ADAMTS18: variants seen among roughly 807,000 people sequenced by gnomAD.
The protein encoded by ADAMTS18 is A disintegrin and metalloproteinase with thrombospondin motifs 18.
ADAMTS18 carries 157 observed loss-of-function variants against 165.9 expected under a neutral mutation model. The ratio of observed to expected loss-of-function variants is 0.95; its 90% CI spans 0.83 to 1.08. The LOEUF is 1.08. Ranked by LOEUF, ADAMTS18 falls within the 50% of genes least tolerant of loss-of-function variation. ADAMTS18 has a pLI of 0.00. For missense variants in ADAMTS18, 2,040 were observed against 1,534.0 expected (o/e 1.33, Z -5.51); for synonymous variants, 782 against 578.2 (o/e 1.35, Z -5.06).
rs768261500 is a variant in ADAMTS18, at chr16:77,434,433, T to C, written c.163A>G (p.Ser55Gly). Residue 55 changes from serine to glycine, a missense_variant, in exon 2 of 23, where the codon AGC (serine) becomes GGC (glycine). Ser to Gly is a moderately conservative substitution (Grantham distance 56, BLOSUM62 0). Coordinates refer to ENST00000282849, the MANE Select transcript of ADAMTS18 (RefSeq NM_199355.4). ...AAATACGAACCATCATTTAATCCGC[T>C]GGCGCCGCTGCTGCTGTCACTGGCT... ...ALASDSSSGA[S>G]GLNDDYVFVT... is the part of the protein sequence containing the mutation. 1 of 1,572,310 alleles carries C rather than the reference T, an allele frequency of 6.4e-7. No homozygotes were observed. The highest frequency in any genetic ancestry group is 1.2e-5 in the South Asian group (1 of 86,876).
rs1326757975 is a variant in ADAMTS18, at chr16:77,367,577, G to A, written c.642C>T (p.Tyr214=). The A allele has an allele frequency of 6.2e-7, 1 of 1,614,224 alleles. No individual in the cohort carries two copies. The highest frequency in any genetic ancestry group is 1.3e-5 in the African/African-American group (1 of 75,072). The change falls in exon 4 of 23, where the codon TAC becomes TAT. Residue 214 remains tyrosine (Y), a synonymous_variant. Coordinates refer to ENST00000282849, the MANE Select transcript of ADAMTS18 (RefSeq NM_199355.4). The stretch of plus-strand genomic sequence containing the variant: ...TCCGGCCAGAGCCGGGGTAGCCACG[G>A]TACCGCTGGATCTTCTCCTCTGCTG... The part of the protein sequence containing the change: ...KRTAEEKIQR[Y]RGYPGSGRNY...
chr16:77,284,227 A>G (rs71396106), intron 22 of ADAMTS18, among the ~76,000 whole-genome samples, 156 bp from the exon 23 acceptor site: 45,194 of 150,902 alleles, frequency 0.3, 7,360 homozygotes, highest in African/African-American at 0.4. Flanking sequence ...CCAGGTTCAA[A>G]CGATTCTCCT....
intron 3 of ADAMTS18, among the ~76,000 whole-genome samples, chr16:77,430,882 T>C (rs2057730108): frequency 6.6e-6 from 1 of 152,220 alleles, no homozygotes; most frequent in Non-Finnish European, 1.5e-5. Flanking sequence ...TGAAGGTTGA[T>C]CTTACCAGTG....
At chr16:77,401,382 A>C (rs2057329995) in intron 3 of ADAMTS18, among the ~76,000 whole-genome samples, 1 of 152,262 alleles carries the variant, frequency 6.6e-6, no homozygotes, top group Admixed American at 6.5e-5. Flanking sequence ...TCAGACCTTT[A>C]CTGAAATTAA....
At chr16:77,383,965 TC>T (rs1022681431) in intron 3 of ADAMTS18, among the ~76,000 whole-genome samples, 1 of 152,070 alleles carries the variant, frequency 6.6e-6, no homozygotes, top group Non-Finnish European at 1.5e-5. Context: ...CAGCCTTTTT[TC>T]CCCCATAACA....
chr16:77,310,649 G>C (rs1466271614), intron 16 of ADAMTS18, among the ~76,000 whole-genome samples: 2 of 146,418 alleles, frequency 1.4e-5, no homozygotes, highest in Non-Finnish European at 3.0e-5. Flanking sequence ...TTTTTTTTTT[G>C]GAGACAGGGT....
Position 77,282,507 on chromosome 16 carries a change from A to G in ADAMTS18, c.*1449T>C, listed in dbSNP as rs1186549032. On this transcript the variant is annotated 3_prime_UTR_variant, in exon 23 of 23. Transcript: ENST00000282849. ...ATGACTTTAATTAGAATGGGAACGA[A>G]GTATGCTGCTAAATTTAACAAACCA... The G allele has an allele frequency of 1.3e-5, 2 of 152,608 alleles. No individual in the cohort carries two copies. Among genetic ancestry groups the G allele is most frequent in the Non-Finnish European group, 2.9e-5 (2 of 68,034 alleles). 9.5% of individuals were successfully genotyped at this position (152,608 alleles called of 1,614,324 possible). A position where few individuals can be genotyped will look rare whatever the true frequency, so the allele number is the denominator to read the frequency against.
intron 12 of ADAMTS18, among the ~76,000 whole-genome samples, chr16:77,334,743 A>ATACTGTATACTATAGTATATT (rs2056269085): frequency 4.4e-5 from 5 of 114,390 alleles, no homozygotes; most frequent in Non-Finnish European, 8.4e-5. Flanking sequence ...TATAGTATAT[A>ATACTGTATACTATAGTATATT]TACTGTATAC....
chr16:77,288,579 T>A (rs185863717), intron 22 of ADAMTS18, among the ~76,000 whole-genome samples: 247 of 152,286 alleles, frequency 1.6e-3, no homozygotes, highest in African/African-American at 5.0e-3. Context: ...AGAAAACATT[T>A]AGGTATAGTC....
At chr16:77,292,624 G>A (rs981355887) in intron 20 of ADAMTS18, among the ~76,000 whole-genome samples, 8 of 152,164 alleles carry the variant, frequency 5.3e-5, no homozygotes, top group African/African-American at 1.2e-4. Context: ...CTTTCTCTGC[G>A]TGTGCTTTAT....
In ADAMTS18 at chr16:77,363,851, C is replaced by T. The variant is rs775110927; in HGVS notation, c.1007G>A (p.Ser336Asn). ...SGLFKDGTIG[S>N]DINVVVVSLI... is the part of the protein sequence containing the mutation. Reference sequence around the variant, plus strand: ...GCTCACCACAACCACGTTTATGTCACTTCCAATAGTCCCATCTTTAAATAG... The same window carrying T: ...GCTCACCACAACCACGTTTATGTCATTTCCAATAGTCCCATCTTTAAATAG... The change falls in exon 6 of 23, where the codon AGT becomes AAT. Residue 336 changes from serine to asparagine, a missense_variant. Physicochemically the swap from Ser to Asn is conservative, Grantham distance 46 (BLOSUM62 1). Coordinates refer to ENST00000282849, the MANE Select transcript of ADAMTS18 (RefSeq NM_199355.4). The T allele has an allele frequency of 1.2e-6, 2 of 1,613,906 alleles. No individual in the cohort carries two copies. The highest frequency in any genetic ancestry group is 2.7e-5 in the African/African-American group (2 of 74,904).
At chr16:77,360,648 C>A (rs914154819) in intron 7 of ADAMTS18, among the ~76,000 whole-genome samples, 2 of 152,150 alleles carry the variant, frequency 1.3e-5, no homozygotes, top group Admixed American at 1.3e-4. Flanking sequence ...TGGATATATA[C>A]CATCTTTCAT....
At chr16:77,298,672 G>A (rs1298295476) in intron 17 of ADAMTS18, among the ~76,000 whole-genome samples, 1 of 152,216 alleles carries the variant, frequency 6.6e-6, no homozygotes. Context: ...GGCACCTGCA[G>A]TCCAAGCTAC....
chr16:77,427,255 C>CA (rs1481162230), intron 3 of ADAMTS18, among the ~76,000 whole-genome samples: 1 of 152,124 alleles, frequency 6.6e-6, no homozygotes, highest in East Asian at 1.9e-4. Context: ...ACTGTCCTGA[C>CA]AAAAAGGATC....
At chr16:77,293,328 A>G (rs1352527613) in intron 19 of ADAMTS18, 70 bp from the exon 20 acceptor site, 10 of 1,331,712 alleles carry the variant, frequency 7.5e-6, no homozygotes, top group Non-Finnish European at 2.2e-6. Context: ...AAAAAAAACA[A>G]CACACTAAAT....
intron 10 of ADAMTS18, among the ~76,000 whole-genome samples, chr16:77,353,146 T>C (rs2056579950): frequency 6.6e-6 from 1 of 152,154 alleles, no homozygotes; most frequent in South Asian, 2.1e-4. Flanking sequence ...TGTAATACTG[T>C]CAGTAAAATG....
chr16:77,323,041 A>AT (rs2056031618), intron 13 of ADAMTS18, among the ~76,000 whole-genome samples: 1 of 152,208 alleles, frequency 6.6e-6, no homozygotes, highest in Non-Finnish European at 1.5e-5. Context: ...GAGAAAGCAA[A>AT]TAAACTCGTC....
chr16:77,295,221 C>T lies in ADAMTS18; in HGVS notation c.2802-94G>A, dbSNP rs2055446349. 3.8e-6 allele frequency: 5 copies of T among 1,306,432 alleles called. No individual in the cohort carries two copies. The South Asian group carries it at 6.1e-5, about 16-fold the overall frequency. The allele number at this position is 1,306,432 out of a possible 1,614,324, so 80.9% of individuals were successfully genotyped here. ...TGAAAGGTAAACCACCTATGGAAGCCATGAATCAATTTCAGAACCAATAAG... is the reference window on the plus strand; with the variant it reads ...TGAAAGGTAAACCACCTATGGAAGCTATGAATCAATTTCAGAACCAATAAG... On this transcript the variant is annotated intron_variant, in intron 18 of 22. Transcript: ENST00000282849.
In ADAMTS18 at chr16:77,359,428, T is replaced by C. The variant is rs377447296; in HGVS notation, c.1217-5A>G. 66 of 1,611,944 alleles carry C rather than the reference T, an allele frequency of 4.1e-5. No individual in the cohort carries two copies. In the African/African-American group the frequency reaches 7.7e-4, roughly 19 times the overall value. On this transcript the variant is annotated splice_polypyrimidine_tract_variant and splice_region_variant and intron_variant, in intron 7 of 22. Transcript: ENST00000282849. ...TTCCACTGATGGGGGCAAACCCTAT[T>C]GAAAGAGCAGTTTCAAATGTGAATC... is the stretch of plus-strand genomic sequence containing the variant.
Sources: allele counts gnomAD v4.1 joint callset (sites outside exome capture counted in the v4.1 genomes callset), GRCh38; gene constraint gnomAD v4.1.1; transcripts MANE v1.5; gene names NCBI Gene and HGNC (gene_info 2026-07-23, HGNC 2026-07-21).